BORCS8: variants seen among roughly 807,000 people sequenced by gnomAD.
The protein encoded by BORCS8 is BLOC-1-related complex subunit 8.
In BORCS8, 13 loss-of-function variants were observed where a neutral mutation model predicts 18.7. The observed-to-expected ratio is 0.70, with a 90% confidence interval of 0.45 to 1.11. BORCS8 has a LOEUF of 1.11. Among genes scored for constraint, BORCS8 ranks in the 50% least tolerant of loss-of-function variants. The probability of loss-of-function intolerance (pLI) is 0.00; values close to 1 mark genes in which losing one functional copy is unlikely to be tolerated. For synonymous variants in BORCS8, 68 were observed against 64.8 expected (o/e 1.05, Z -0.24); for missense variants, 165 against 165.7 (o/e 1.00, Z 0.02).
chr19:19,185,947 C>T, intron 3 of BORCS8, 87 bp downstream of exon 3: 1 of 1,364,904 alleles, frequency 7.3e-7, no homozygotes, highest in Non-Finnish European at 1.0e-6. Flanking sequence ...GTGGGGCTTA[C>T]TGGGCAGTTG....
intron 1 of BORCS8, among the ~76,000 whole-genome samples, chr19:19,191,415 CAG>C (rs2060474359): frequency 6.6e-6 from 1 of 150,578 alleles, no homozygotes; most frequent in African/African-American, 2.4e-5. Flanking sequence ...TCGCCCGCGC[CAG>C]AGAGATCGAG....
At position 19,182,228 on chromosome 19, in the gene BORCS8, C is replaced by T. The variant is rs574749118; in HGVS notation, c.326+345G>A. 5 of 402,214 alleles carry T rather than the reference C, an allele frequency of 1.2e-5. No individual in the cohort carries two copies. The South Asian group carries it at 3.1e-4, about 25-fold the overall frequency. The allele number at this position is 402,214 out of a possible 1,614,324, so 24.9% of individuals were successfully genotyped here. On this transcript the variant is annotated intron_variant, in intron 4 of 5. Coordinates refer to ENST00000462790, the MANE Select transcript of BORCS8 (RefSeq NM_001145784.2). The surrounding 1 kb of genome is among the most constrained non-coding windows in gnomAD (Gnocchi z 4.1). ...TCTGTCTGCATGTAACTCATGCCAC[C>T]TCCTAGGAGGGGCCCCGCAGTGTTC...
chr19:19,186,224 A>G, intron 2 of BORCS8, 126 bp from the exon 3 acceptor site: 1 of 871,722 alleles, frequency 1.1e-6, no homozygotes, highest in South Asian at 1.5e-5. Context: ...TCCTCCTGCA[A>G]CTCCCTTCCC....
rs57881564 is a variant in BORCS8, at chr19:19,177,664, G to A, written c.*43-204C>T. On this transcript the variant is annotated intron_variant, in intron 5 of 5. Coordinates refer to ENST00000462790, the MANE Select transcript of BORCS8 (RefSeq NM_001145784.2). ...AAGAAGGAAGGAAGGAAGGAAGGAAGGAAGGAAGGAAGGAAGGAAGGAAGG... is the reference window on the plus strand; with the variant it reads ...AAGAAGGAAGGAAGGAAGGAAGGAAAGAAGGAAGGAAGGAAGGAAGGAAGG... 3 of 81,404 alleles carry A rather than the reference G, an allele frequency of 3.7e-5. 1 individual carries two copies. The highest frequency in any genetic ancestry group is 1.6e-4 in the African/African-American group (3 of 18,202). 5.0% of individuals were successfully genotyped at this position (81,404 alleles called of 1,614,324 possible).
At chr19:19,184,305 CTTTTTTT>C (rs900454275) in intron 3 of BORCS8, among the ~76,000 whole-genome samples, 5 of 108,516 alleles carry the variant, frequency 4.6e-5, no homozygotes, top group African/African-American at 1.6e-4. Flanking sequence ...TTTTTCCTTT[CTTTTTTT>C]TTTTTTTTTT....
chr19:19,187,016 G>T lies in BORCS8; in HGVS notation c.38-11C>A, dbSNP rs1404925633. The T allele has an allele frequency of 1.3e-6, 2 of 1,546,412 alleles. No individual in the cohort carries two copies. The highest frequency in any genetic ancestry group is 3.9e-5 in the Admixed American group (2 of 50,792). On this transcript the variant is annotated splice_polypyrimidine_tract_variant and intron_variant, in intron 1 of 5. Transcript: ENST00000462790. The stretch of plus-strand genomic sequence containing the variant: ...TGAACTTGTCCGTGACTAGATACAG[G>T]TGGTAGGGATGGGGCGGGTGTGGGG...
At chr19:19,183,074 G>C (rs1246686966) in intron 3 of BORCS8, among the ~76,000 whole-genome samples, 1 of 152,154 alleles carries the variant, frequency 6.6e-6, no homozygotes, top group Non-Finnish European at 1.5e-5. Context: ...CCAGGAGGTT[G>C]AGACCAGCCT....
intron 3 of BORCS8, 125 bp downstream of exon 3, chr19:19,185,909 A>C: frequency 2.1e-6 from 2 of 956,574 alleles, no homozygotes; most frequent in Middle Eastern, 3.2e-4. Flanking sequence ...TACAGACCCC[A>C]TACACCCACT....
At chr19:19,181,669 A>G (rs891633460) in intron 4 of BORCS8, among the ~76,000 whole-genome samples, 1 of 152,226 alleles carries the variant, frequency 6.6e-6, no homozygotes, top group Admixed American at 6.5e-5. Context: ...GAGCCCAGAT[A>G]AACCCTTCAT....
chr19:19,189,247 T>C (rs2060442472), intron 1 of BORCS8, among the ~76,000 whole-genome samples: 2 of 152,132 alleles, frequency 1.3e-5, no homozygotes. Context: ...ATCCTGATGG[T>C]TCCAGTCTCA....
At chr19:19,187,245 G>A (rs915182264) in intron 1 of BORCS8, among the ~76,000 whole-genome samples, 4 of 152,138 alleles carry the variant, frequency 2.6e-5, no homozygotes, top group Non-Finnish European at 5.9e-5. Flanking sequence ...GGAGGCTGAG[G>A]TGGGCAGATC....
intron 2 of BORCS8, 40 bp downstream of exon 2, chr19:19,186,853 C>T (rs1188411483): frequency 7.0e-7 from 1 of 1,420,762 alleles, no homozygotes. Flanking sequence ...TTGACTCCTG[C>T]CCTGACAGCC....
Position 19,180,708 on chromosome 19 carries a change from G to C in BORCS8, c.*20C>G. 6.5e-7 allele frequency: 1 copy of C among 1,549,392 alleles called. No individual in the cohort carries two copies. The highest frequency in any genetic ancestry group is 1.2e-5 in the South Asian group (1 of 83,962). The stretch of plus-strand genomic sequence containing the variant: ...GACCTGGGTTGGCGGAGGCTGGGGG[G>C]CCCCGAGTCTCTTCCAGGATCAGGC... On this transcript the variant is annotated 3_prime_UTR_variant, in exon 5 of 6. Transcript: ENST00000462790.
intron 4 of BORCS8, chr19:19,181,768 A>G: frequency 1.3e-6 from 1 of 745,302 alleles, no homozygotes; most frequent in Non-Finnish European, 1.6e-6. Flanking sequence ...TAGTTAAGCA[A>G]CACAGATGCT....
Position 19,182,476 on chromosome 19 carries a change from G to A in BORCS8, c.326+97C>T, listed in dbSNP as rs2060358503. 3 of 1,474,488 alleles carry A rather than the reference G, an allele frequency of 2.0e-6. No homozygotes were observed. The highest frequency in any genetic ancestry group is 2.7e-6 in the Non-Finnish European group (3 of 1,113,982). The allele number at this position is 1,474,488 out of a possible 1,614,324, so 91.3% of individuals were successfully genotyped here. ...ACACCAGGACAAAAGGAAAGAGACA[G>A]TTTTCTAATAAGCGAGAAGCAGCGG... On this transcript the variant is annotated intron_variant, in intron 4 of 5. Transcript: ENST00000462790. The surrounding 1 kb of genome is among the most constrained non-coding windows in gnomAD (Gnocchi z 4.1).
chr19:19,185,255 C>T (rs935302720), intron 3 of BORCS8, among the ~76,000 whole-genome samples: 2 of 152,224 alleles, frequency 1.3e-5, no homozygotes, highest in Non-Finnish European at 2.9e-5. Flanking sequence ...CAGCCCATGT[C>T]AGGTGCAAAC....
At chr19:19,180,889 T>C (rs1469879645) in intron 4 of BORCS8, 128 bp from the exon 5 acceptor site, 4 of 1,021,136 alleles carry the variant, frequency 3.9e-6, no homozygotes, top group African/African-American at 3.3e-5. Flanking sequence ...TTCTGGGGCA[T>C]CCTGCTTAAA....
At chr19:19,186,462 G>A (rs2060409983) in intron 2 of BORCS8, among the ~76,000 whole-genome samples, 5 of 152,212 alleles carry the variant, frequency 3.3e-5, no homozygotes, top group Admixed American at 3.3e-4. Flanking sequence ...GGACCAGGTG[G>A]AGACAACTGA....
intron 4 of BORCS8, chr19:19,181,934 T>A (rs2060353018): frequency 1.0e-6 from 1 of 985,356 alleles, no homozygotes; most frequent in Non-Finnish European, 1.2e-6. Context: ...AAAGAAGGGC[T>A]ACTCTTCAAA....
Sources: allele counts gnomAD v4.1 joint callset (sites outside exome capture counted in the v4.1 genomes callset), GRCh38; gene constraint gnomAD v4.1.1; non-coding constraint Gnocchi (gnomAD v3.1); transcripts MANE v1.5; gene names NCBI Gene and HGNC (gene_info 2026-07-23, HGNC 2026-07-21).